EXOC4: variants seen among roughly 807,000 people sequenced by gnomAD.
EXOC4 encodes exocyst complex component 4.
Under a neutral mutation model 107.2 loss-of-function variants are expected in EXOC4, and 71 were observed. The ratio of observed to expected loss-of-function variants is 0.66; its 90% CI spans 0.55 to 0.81. EXOC4 has a LOEUF of 0.81. Ranked by LOEUF, EXOC4 falls within the 30% of genes least tolerant of loss-of-function variation. The pLI is 0.00. For synonymous variants in EXOC4, 456 were observed against 441.2 expected (o/e 1.03, Z -0.42); for missense variants, 1,108 against 1,189.6 (o/e 0.93, Z 1.01).
intron 4 of EXOC4, among the ~76,000 whole-genome samples, chr7:133,310,720 C>T (rs370462214): frequency 1.3e-5 from 2 of 152,148 alleles, no homozygotes; most frequent in African/African-American, 4.8e-5. Context: ...TTTTAAACTC[C>T]TCTGTAAATG....
At chr7:133,360,076 C>T (rs568387699) in intron 6 of EXOC4, among the ~76,000 whole-genome samples, 1 of 152,344 alleles carries the variant, frequency 6.6e-6, no homozygotes, top group East Asian at 1.9e-4. Flanking sequence ...CATTATTTCT[C>T]TAGAAAGACA....
At chr7:134,032,302 C>T (rs1042442510) in intron 17 of EXOC4, among the ~76,000 whole-genome samples, 3 of 152,154 alleles carry the variant, frequency 2.0e-5, no homozygotes, top group African/African-American at 7.2e-5. Flanking sequence ...CTGCAGTTGT[C>T]GCTGATGTCA....
intron 10 of EXOC4, among the ~76,000 whole-genome samples, chr7:133,737,929 TGAGACGGGG>T (rs1795482652): frequency 6.8e-6 from 1 of 147,578 alleles, no homozygotes; most frequent in African/African-American, 2.5e-5. Context: ...TTTTTTTTTT[TGAGACGGGG>T]TCTTGCTCTG....
intron 1 of EXOC4, among the ~76,000 whole-genome samples, chr7:133,260,615 T>C (rs1357846817): frequency 6.6e-6 from 1 of 152,226 alleles, no homozygotes; most frequent in Non-Finnish European, 1.5e-5. Context: ...TTTTGGGTCT[T>C]CTAGGTTGTT....
chr7:133,382,950 T>G (rs2150703790), intron 7 of EXOC4, among the ~76,000 whole-genome samples: 1 of 152,320 alleles, frequency 6.6e-6, no homozygotes, highest in South Asian at 2.1e-4. Flanking sequence ...GCTATCATAG[T>G]AACGGGGTGT....
chr7:133,468,822 G>T (rs1356725074), intron 7 of EXOC4, among the ~76,000 whole-genome samples: 6 of 151,608 alleles, frequency 4.0e-5, no homozygotes, highest in African/African-American at 1.2e-4. Flanking sequence ...TATTTTTTTT[G>T]GCTTTTACAG....
chr7:133,939,989 C>G (rs1585263933), intron 14 of EXOC4, among the ~76,000 whole-genome samples: 1 of 152,224 alleles, frequency 6.6e-6, no homozygotes, highest in East Asian at 1.9e-4. Context: ...GGCCACTTGC[C>G]TCTTTTCCTA....
chr7:133,512,064 A>G (rs549783785), intron 9 of EXOC4, among the ~76,000 whole-genome samples: 1 of 152,332 alleles, frequency 6.6e-6, no homozygotes, highest in South Asian at 2.1e-4. Context: ...TAGCAGGGGA[A>G]ATGTATATTA....
chr7:133,650,997 A>C (rs931638655), intron 10 of EXOC4, among the ~76,000 whole-genome samples: 2 of 145,272 alleles, frequency 1.4e-5, no homozygotes, highest in African/African-American at 5.2e-5. Flanking sequence ...TCAAAGAAAG[A>C]AAGCAGGAGG....
At chr7:133,516,758 A>ATTTTTTTTTTTTTTTTT (rs780319592) in intron 9 of EXOC4, among the ~76,000 whole-genome samples, 12,580 of 48,722 alleles carry the variant, frequency 0.26, 4,615 homozygotes, top group East Asian at 0.59. Flanking sequence ...CTAGCTGCTC[A>ATTTTTTTTTTTTTTTTT]TTTTTTTTTT....
intron 10 of EXOC4, among the ~76,000 whole-genome samples, chr7:133,788,649 C>T (rs542770132): frequency 5.3e-4 from 80 of 152,164 alleles, no homozygotes; most frequent in Non-Finnish European, 9.1e-4. Context: ...CCCGCCACCA[C>T]GCCTGGCTAA....
At chr7:133,327,154 C>T (rs1303316299) in intron 5 of EXOC4, among the ~76,000 whole-genome samples, 1 of 152,242 alleles carries the variant, frequency 6.6e-6, no homozygotes, top group Non-Finnish European at 1.5e-5. Context: ...CCTTGTGCTT[C>T]CCGAGTGAGG....
At chr7:133,691,837 A>G (rs1311266972) in intron 10 of EXOC4, among the ~76,000 whole-genome samples, 1 of 152,196 alleles carries the variant, frequency 6.6e-6, no homozygotes, top group Non-Finnish European at 1.5e-5. Context: ...ACATTTCAGA[A>G]ATTGAAAAGC....
intron 1 of EXOC4, among the ~76,000 whole-genome samples, chr7:133,272,999 A>G (rs1793908137): frequency 6.6e-6 from 1 of 152,182 alleles, no homozygotes; most frequent in South Asian, 2.1e-4. Context: ...AATCATGAAA[A>G]GCCTTGTAAA....
intron 2 of EXOC4, among the ~76,000 whole-genome samples, chr7:133,288,585 A>G (rs982766853): frequency 6.6e-6 from 1 of 152,212 alleles, no homozygotes; most frequent in Non-Finnish European, 1.5e-5. Context: ...GGACTCTCAC[A>G]TTGATCATTC....
chr7:133,983,070 C>A (rs994338416), intron 14 of EXOC4, among the ~76,000 whole-genome samples: 4 of 152,156 alleles, frequency 2.6e-5, no homozygotes, highest in African/African-American at 9.7e-5. Flanking sequence ...TCTGGGGAGG[C>A]CTCAGGAAGC....
chr7:133,408,370 G>A (rs1797275900), intron 7 of EXOC4, among the ~76,000 whole-genome samples: 1 of 151,590 alleles, frequency 6.6e-6, no homozygotes, highest in Non-Finnish European at 1.5e-5. Context: ...TGGTGGAGGT[G>A]ATGGTGGTGA....
At chr7:133,960,181 G>A (rs1800909665) in intron 14 of EXOC4, among the ~76,000 whole-genome samples, 1 of 152,036 alleles carries the variant, frequency 6.6e-6, no homozygotes, top group Admixed American at 6.5e-5. Flanking sequence ...TACCTAATGT[G>A]TTAGGATTTA....
At chr7:133,469,910 C>T (rs1486965961) in intron 7 of EXOC4, among the ~76,000 whole-genome samples, 1 of 152,150 alleles carries the variant, frequency 6.6e-6, no homozygotes, top group Non-Finnish European at 1.5e-5. Flanking sequence ...TTTACATGGC[C>T]AGTAGAGAAT....
Sources: allele counts gnomAD v4.1 joint callset (sites outside exome capture counted in the v4.1 genomes callset), GRCh38; gene constraint gnomAD v4.1.1; transcripts MANE v1.5; gene names NCBI Gene and HGNC (gene_info 2026-07-23, HGNC 2026-07-21).